KCNAB2: variants seen among roughly 807,000 people sequenced by gnomAD.
KCNAB2 encodes the protein voltage-gated potassium channel subunit beta-2.
Under a neutral mutation model 63.6 loss-of-function variants are expected in KCNAB2, and 29 were observed. The ratio of observed to expected loss-of-function variants is 0.46; its 90% CI spans 0.34 to 0.62. KCNAB2 has a LOEUF of 0.62. KCNAB2 is among the 20% of genes least tolerant of loss of function. The pLI is 0.01. For missense variants in KCNAB2, 359 were observed against 563.9 expected (o/e 0.64, Z 3.68); for synonymous variants, 222 against 224.2 (o/e 0.99, Z 0.09).
Position 6,101,096 on chromosome 1 carries a change from T to TA in KCNAB2, c.*2523dup, listed in dbSNP as rs1337768038. The TA allele has an allele frequency of 6.6e-6, 1 of 152,162 alleles. No individual in the cohort carries two copies. Among genetic ancestry groups the TA allele is most frequent in the East Asian group, 1.9e-4 (1 of 5,166 alleles). 9.4% of individuals were successfully genotyped at this position (152,162 alleles called of 1,614,324 possible). On this transcript the variant is annotated 3_prime_UTR_variant, in exon 16 of 16. Transcript: ENST00000378083. The stretch of plus-strand genomic sequence containing the variant: ...TTCCCTACCCAGGCAGAGACTGTCC[T>TA]ATGCCTCGAGCTTCCAAACGAGACT...
chr1:6,100,287 C>T lies in KCNAB2; in HGVS notation c.*1713C>T. ...TCATGCTGCCCCTGGCGCCTAGAAC[C>T]CTTGCCCCTCCTCATAGACCAAGTC... On this transcript the variant is annotated 3_prime_UTR_variant, in exon 16 of 16. Transcript: ENST00000378083. The T allele has an allele frequency of 2.2e-6, 1 of 447,500 alleles. No homozygotes were observed. The highest frequency in any genetic ancestry group is 3.8e-6 in the Non-Finnish European group (1 of 261,090). 27.7% of individuals were successfully genotyped at this position (447,500 alleles called of 1,614,324 possible).
rs191720306 is a variant in KCNAB2 at position 6,028,104 on chromosome 1, C to A, written c.-52-12413C>A. On this transcript the variant is annotated intron_variant, in intron 1 of 16. Transcript: ENST00000341524. The surrounding 1 kb of genome is among the most constrained non-coding windows in gnomAD (Gnocchi z 4.0). ...ATCATGACCCACCAGGCCAACGGCC[C>A]CCTAGGGTCTTGACCCCAGTGCACT... Among the ~76,000 whole-genome samples the A allele has an allele frequency of 2.7e-4, 41 of 152,312 alleles. 1 individual carries two copies. The South Asian group carries it at 3.5e-3, about 13-fold the overall frequency.
At chr1:6,019,431 C>G (rs1283037080) in intron 1 of KCNAB2, among the ~76,000 whole-genome samples, 1 of 152,240 alleles carries the variant, frequency 6.6e-6, no homozygotes, top group Non-Finnish European at 1.5e-5. Context: ...ACACTGCACT[C>G]TCTGCTGGCC....
In KCNAB2 at chr1:6,096,492, G is replaced by A. The variant is rs963206071; in HGVS notation, c.949-144G>A. Reference sequence around the variant, plus strand: ...CCCCTACTTGAGAGGCCTGGGGCAGGGGCACTGCCCTGGCTTCAAGATGAG... The same window carrying A: ...CCCCTACTTGAGAGGCCTGGGGCAGAGGCACTGCCCTGGCTTCAAGATGAG... On this transcript the variant is annotated intron_variant, in intron 13 of 15. Transcript: ENST00000378083. The surrounding 1 kb of genome is among the most constrained non-coding windows in gnomAD (Gnocchi z 5.9). 3 of 1,147,222 alleles carry A rather than the reference G, an allele frequency of 2.6e-6. No homozygotes were observed. Among genetic ancestry groups the A allele is most frequent in the Non-Finnish European group, 3.6e-6 (3 of 825,742 alleles). 71.1% of individuals were successfully genotyped at this position (1,147,222 alleles called of 1,614,324 possible). A position where few individuals can be genotyped will look rare whatever the true frequency, so the allele number is the denominator to read the frequency against.
chr1:6,094,002 C>G (rs1228239139), intron 10 of KCNAB2, among the ~76,000 whole-genome samples: 1 of 152,182 alleles, frequency 6.6e-6, no homozygotes, highest in African/African-American at 2.4e-5. Context: ...ATGCATTCAC[C>G]TGGTCCTTCC....
intron 1 of KCNAB2, among the ~76,000 whole-genome samples, chr1:5,998,937 G>A (rs532987759): frequency 6.6e-6 from 1 of 152,386 alleles, no homozygotes; most frequent in South Asian, 2.1e-4. Context: ...CAATGGCTCT[G>A]GAGAGATTTG....
intron 13 of KCNAB2, 139 bp downstream of exon 13, chr1:6,095,763 G>A: frequency 3.9e-6 from 3 of 768,942 alleles, no homozygotes; most frequent in Non-Finnish European, 6.5e-6. Flanking sequence ...CTGGGGGCGG[G>A]CTCCTTGGCG....
intron 1 of KCNAB2, among the ~76,000 whole-genome samples, chr1:6,020,819 A>AC: frequency 6.6e-6 from 1 of 152,106 alleles, no homozygotes; most frequent in African/African-American, 2.4e-5. Flanking sequence ...AGTGCCCACC[A>AC]CCATGCCTGG....
At position 6,003,619 on chromosome 1, in the gene KCNAB2, C is replaced by T. The variant is rs887983636; in HGVS notation, c.-53+10831C>T. On this transcript the variant is annotated intron_variant, in intron 1 of 16. Coordinates refer to the KCNAB2 transcript ENST00000341524. The surrounding 1 kb of genome is among the most constrained non-coding windows in gnomAD (Gnocchi z 4.1). ...CGTTTGTGTGCATCTCGCTTTATTT[C>T]CTCTCTTGAACTATTAGGATAAAGT... 2.0e-5 allele frequency among the ~76,000 whole-genome samples: 3 copies of T among 152,192 alleles called. No homozygotes were observed. Among genetic ancestry groups the T allele is most frequent in the Admixed American group, 2.0e-4 (3 of 15,282 alleles).
In KCNAB2 at chr1:6,018,228, C is replaced by T. The variant is rs371196697; in HGVS notation, c.-52-22289C>T. Among the ~76,000 whole-genome samples the T allele has an allele frequency of 1.3e-3, 203 of 152,258 alleles. 6 individuals carry two copies. The South Asian group carries it at 0.036, about 27-fold the overall frequency. ...CTGGGATTACAAGCATGAGCCACTGCGCCCAGCCAGGCAAATGTTTTCATA... is the reference window on the plus strand; with the variant it reads ...CTGGGATTACAAGCATGAGCCACTGTGCCCAGCCAGGCAAATGTTTTCATA... On this transcript the variant is annotated intron_variant, in intron 1 of 16. Transcript: ENST00000341524.
At chr1:6,081,352 A>G (rs1349445270) in intron 4 of KCNAB2, among the ~76,000 whole-genome samples, 1 of 152,190 alleles carries the variant, frequency 6.6e-6, no homozygotes, top group East Asian at 1.9e-4. Flanking sequence ...CAAAAATAAC[A>G]ATTCAGTCCT....
chr1:6,045,850 C>A, upstream of KCNAB2: 2 of 970,590 alleles, frequency 2.1e-6, no homozygotes, highest in Non-Finnish European at 2.4e-6. The surrounding 1 kb of genome is among the most constrained non-coding windows in gnomAD (Gnocchi z 4.8). Flanking sequence ...CAGGACCTCC[C>A]CCTCACCTTG....
In KCNAB2 at chr1:6,098,729, C is replaced by A; in HGVS notation, c.*155C>A. 1 of 916,858 alleles carries A rather than the reference C, an allele frequency of 1.1e-6. No homozygotes were observed. The highest frequency in any genetic ancestry group is 1.6e-6 in the Non-Finnish European group (1 of 618,802). 56.8% of individuals were successfully genotyped at this position (916,858 alleles called of 1,614,324 possible). A position where few individuals can be genotyped will look rare whatever the true frequency, so the allele number is the denominator to read the frequency against. ...CGGGAAATGATCTCCCAAGTCGCTGCCAGACACCACCCACTGCTTCGCCGG... is the reference window on the plus strand; with the variant it reads ...CGGGAAATGATCTCCCAAGTCGCTGACAGACACCACCCACTGCTTCGCCGG... On this transcript the variant is annotated 3_prime_UTR_variant, in exon 16 of 16. Coordinates refer to ENST00000378083, the MANE Select transcript of KCNAB2 (RefSeq NM_001199862.2).
upstream of KCNAB2, chr1:6,042,012 A>C: frequency 5.5e-6 from 4 of 720,892 alleles, no homozygotes; most frequent in Admixed American, 8.7e-5. Flanking sequence ...TCTGCTCATC[A>C]CCCTCTGTGC....
chr1:6,098,435 A>G (rs1387122612), intron 15 of KCNAB2, 50 bp from the exon 16 acceptor site: 1 of 1,608,182 alleles, frequency 6.2e-7, no homozygotes, highest in Non-Finnish European at 8.5e-7. Flanking sequence ...TCCCCAGGCC[A>G]GGCCCGTCTT....
intron 1 of KCNAB2, among the ~76,000 whole-genome samples, chr1:5,993,011 C>G (rs1296113530): frequency 2.0e-5 from 3 of 151,834 alleles, no homozygotes; most frequent in Non-Finnish European, 2.9e-5. Context: ...TTCTGTCTTT[C>G]CTTCCCTGTC....
chr1:6,006,548 CTCCCCT>C (rs1657768040), intron 1 of KCNAB2, among the ~76,000 whole-genome samples: 1 of 11,788 alleles, frequency 8.5e-5, no homozygotes, highest in African/African-American at 1.6e-4. Flanking sequence ...TCACCCACTC[CTCCCCT>C]ACCCCTCAGC....
chr1:6,098,265 TGAGAGG>T (rs1338609490), intron 15 of KCNAB2: 21 of 1,348,802 alleles, frequency 1.6e-5, no homozygotes, highest in Middle Eastern at 2.8e-4. Flanking sequence ...CCTTGACATT[TGAGAGG>T]GAGTGCACAG....
rs1657347996 is a variant in KCNAB2, at chr1:6,003,046, T to C, written c.-53+10258T>C. Among the ~76,000 whole-genome samples, 5 of 152,280 alleles carry C rather than the reference T, an allele frequency of 3.3e-5. No homozygotes were observed. The South Asian group carries it at 8.3e-4, about 25-fold the overall frequency. ...TCACACAGCTACCAGAGGACAGAGC[T>C]AGAACATGACCGCAGCAGACGCCTG... On this transcript the variant is annotated intron_variant, in intron 1 of 16. Transcript: ENST00000341524. This position sits in a 1 kb window ranked among gnomAD's most constrained non-coding sequence, Gnocchi z 4.1.
Sources: allele counts gnomAD v4.1 joint callset (sites outside exome capture counted in the v4.1 genomes callset), GRCh38; gene constraint gnomAD v4.1.1; non-coding constraint Gnocchi (gnomAD v3.1); transcripts MANE v1.5; gene names NCBI Gene and HGNC (gene_info 2026-07-23, HGNC 2026-07-21).